The following HFM1 variants were observed in gnomAD, a reference collection of about 807,000 sequenced individuals.
HFM1 encodes helicase for meiosis 1.
HFM1 carries 169 observed loss-of-function variants against 192.1 expected under a neutral mutation model. The ratio of observed to expected loss-of-function variants is 0.88; its 90% CI spans 0.78 to 1.00. The LOEUF (loss-of-function observed/expected upper bound fraction) is 1.00, where lower values mean the gene tolerates loss of function less well. HFM1 is among the 50% of genes least tolerant of loss of function. The probability of loss-of-function intolerance (pLI) is 0.00; values close to 1 mark genes in which losing one functional copy is unlikely to be tolerated. For missense variants in HFM1, 1,661 were observed against 1,668.0 expected, an observed-to-expected ratio of 1.00 and a Z score of 0.07; for synonymous variants, 525 against 537.8, an observed-to-expected ratio of 0.98 and a Z score of 0.33.
chr1:91,406,080 G>C (rs532087003), upstream of HFM1, among the ~76,000 whole-genome samples: 3 of 152,340 alleles, frequency 2.0e-5, no homozygotes, highest in African/African-American at 7.2e-5. Flanking sequence ...GCCTTCATGA[G>C]TAGGATTGTG....
intron 20 of HFM1, among the ~76,000 whole-genome samples, chr1:91,340,797 T>C (rs1467747913): frequency 6.6e-6 from 1 of 152,194 alleles, no homozygotes; most frequent in Admixed American, 6.5e-5. Flanking sequence ...GTTGCTATTC[T>C]AATTTCAGAC....
At position 91,394,283 on chromosome 1, in the gene HFM1, C is replaced by T. The variant is rs764688741; in HGVS notation, c.304G>A (p.Asp102Asn). Reference sequence around the variant, plus strand: ...CCTACCCCTTCTAAATTTAGATCATCCTGTTCATATTTATCAGAAGGAAAG... The same window carrying T: ...CCTACCCCTTCTAAATTTAGATCATTCTGTTCATATTTATCAGAAGGAAAG... ...FAFPSDKYEQ[D>N]DLNLEGVGNN... The change falls in exon 4 of 39, where the codon GAT (aspartate) becomes AAT (asparagine). Residue 102 changes from aspartate (D) to asparagine (N), a missense_variant. Physicochemically the swap from Asp to Asn is conservative, Grantham distance 23. Transcript: ENST00000370425. The T allele has an allele frequency of 2.5e-6, 4 of 1,594,380 alleles. No homozygotes were observed. In the East Asian group the frequency reaches 8.9e-5, roughly 36 times the overall value.
chr1:91,363,333 C>T (rs1377580482), intron 13 of HFM1, among the ~76,000 whole-genome samples: 1 of 3,978 alleles, frequency 2.5e-4, no homozygotes, highest in African/African-American at 9.0e-4. Context: ...AACAAAATTA[C>T]AAGAAAAAAA....
rs148463956 is a variant in HFM1, at chr1:91,302,435, A to G, written c.3391+10914T>C. On this transcript the variant is annotated intron_variant, in intron 30 of 38. Transcript: ENST00000370425. ...TGACCCAACAATCCCATTATTGGGT[A>G]TATATCCAAAGGATTATAAAACATG... Among the ~76,000 whole-genome samples, 14 of 152,272 alleles carry G rather than the reference A, an allele frequency of 9.2e-5. No homozygotes were observed. The East Asian group carries it at 2.5e-3, about 27-fold the overall frequency.
chr1:91,287,116 G>A (rs528868090), intron 30 of HFM1, among the ~76,000 whole-genome samples: 2 of 152,314 alleles, frequency 1.3e-5, no homozygotes, highest in Admixed American at 6.5e-5. Flanking sequence ...GATTGCTTAG[G>A]TAAACAAAGC....
chr1:91,351,640 C>CAGG lies in HFM1; in HGVS notation c.1980_1981insCCT (p.Phe660_Asp661insPro). ...ATGATAACTGCAGTAGCTGTAGTGT[C>CAGG]AAACTGGGGAGAAAACAAACAGAAA... On this transcript the variant is annotated inframe_insertion, in exon 17 of 39. Transcript: ENST00000370425. 1 of 1,569,082 alleles carries CAGG rather than the reference C, an allele frequency of 6.4e-7. No homozygotes were observed. The highest frequency in any genetic ancestry group is 1.1e-5 in the South Asian group (1 of 87,102).
chr1:91,315,312 G>C (rs1485282197), intron 28 of HFM1, among the ~76,000 whole-genome samples: 1 of 152,094 alleles, frequency 6.6e-6, no homozygotes, highest in African/African-American at 2.4e-5. Flanking sequence ...ATAGTACCTG[G>C]AAAAATGCTG....
upstream of HFM1, among the ~76,000 whole-genome samples, chr1:91,405,396 T>C (rs1214576152): frequency 6.6e-6 from 1 of 152,238 alleles, no homozygotes; most frequent in Non-Finnish European, 1.5e-5. Context: ...TCTTTAGAAT[T>C]GTCCTCTGAA....
intron 1 of HFM1, among the ~76,000 whole-genome samples, chr1:91,404,423 C>A (rs866884759): frequency 6.6e-6 from 1 of 152,152 alleles, no homozygotes; most frequent in Non-Finnish European, 1.5e-5. Context: ...ATGGGTACGT[C>A]CCCCCCAGCG....
intron 13 of HFM1, among the ~76,000 whole-genome samples, chr1:91,363,494 T>A (rs1277691022): frequency 1.3e-5 from 2 of 150,372 alleles, no homozygotes; most frequent in Non-Finnish European, 3.0e-5. Context: ...TACCATCTCA[T>A]GTCAGTCAAA....
rs1229535329 is a variant in HFM1, at chr1:91,288,432, G to A, written c.3392-11370C>T. Among the ~76,000 whole-genome samples, 5 of 148,492 alleles carry A rather than the reference G, an allele frequency of 3.4e-5. No homozygotes were observed. In the East Asian group the frequency reaches 9.8e-4, roughly 29 times the overall value. On this transcript the variant is annotated intron_variant, in intron 30 of 38. Coordinates refer to ENST00000370425, the MANE Select transcript of HFM1 (RefSeq NM_001017975.6). ...TTCTTGGGTGTTTCTCGGGGAGGGG[G>A]ATTTGGCAGGGTCATAGGACAATAG...
chr1:91,405,103 T>C (rs1423421931), upstream of HFM1, among the ~76,000 whole-genome samples: 1 of 152,134 alleles, frequency 6.6e-6, no homozygotes, highest in Non-Finnish European at 1.5e-5. Flanking sequence ...TACCCCAACC[T>C]GCCTTTCTCA....
chr1:91,335,512 G>A (rs1241336264), intron 20 of HFM1, among the ~76,000 whole-genome samples: 1 of 152,152 alleles, frequency 6.6e-6, no homozygotes, highest in African/African-American at 2.4e-5. Flanking sequence ...AGTCAAAGCA[G>A]AGGGAATGAA....
At chr1:91,307,474 A>T (rs1318528542) in intron 30 of HFM1, among the ~76,000 whole-genome samples, 2 of 151,924 alleles carry the variant, frequency 1.3e-5, no homozygotes, top group Non-Finnish European at 2.9e-5. Context: ...TTATTTTGAG[A>T]CAGGGTCTCG....
chr1:91,353,207 C>G (rs373220467), intron 14 of HFM1, 49 bp downstream of exon 14: 1 of 1,556,044 alleles, frequency 6.4e-7, no homozygotes, highest in Non-Finnish European at 8.8e-7. Context: ...TAATTGGCAC[C>G]TTTCATCTAT....
chr1:91,288,764 T>G (rs1427824397), intron 30 of HFM1, among the ~76,000 whole-genome samples: 2 of 152,238 alleles, frequency 1.3e-5, no homozygotes, highest in Non-Finnish European at 2.9e-5. Context: ...TGGAGTCTCC[T>G]ATGTCTACTT....
intron 30 of HFM1, among the ~76,000 whole-genome samples, chr1:91,296,543 G>GA (rs757443127): frequency 5.3e-5 from 8 of 149,706 alleles, no homozygotes; most frequent in Admixed American, 1.3e-4. Context: ...GGTTATTTCA[G>GA]AAAAAAAAAT....
intron 4 of HFM1, among the ~76,000 whole-genome samples, chr1:91,386,951 T>C (rs1370013998): frequency 1.3e-5 from 2 of 152,172 alleles, no homozygotes; most frequent in Non-Finnish European, 2.9e-5. Flanking sequence ...CTATATCCAA[T>C]AACCATTTCA....
Position 91,348,122 on chromosome 1 carries a change from G to T in HFM1, c.2207-646C>A, listed in dbSNP as rs577336922. On this transcript the variant is annotated intron_variant, in intron 18 of 38. Coordinates refer to ENST00000370425, the MANE Select transcript of HFM1 (RefSeq NM_001017975.6). ...TAATCTGGGCTGTGGTTACATGTGT[G>T]TATATGTGTGTATAAACACATATAT... Among the ~76,000 whole-genome samples the T allele has an allele frequency of 2.0e-5, 3 of 152,152 alleles. No individual in the cohort carries two copies. The East Asian group carries it at 5.8e-4, about 29-fold the overall frequency.
Sources: allele counts gnomAD v4.1 joint callset (sites outside exome capture counted in the v4.1 genomes callset), GRCh38; gene constraint gnomAD v4.1.1; transcripts MANE v1.5; gene names NCBI Gene and HGNC (gene_info 2026-07-23, HGNC 2026-07-21).